ADAMTS6: variants seen among roughly 807,000 people sequenced by gnomAD.
ADAMTS6 encodes A disintegrin and metalloproteinase with thrombospondin motifs 6.
Under a neutral mutation model 144.3 loss-of-function variants are expected in ADAMTS6, and 23 were observed. The observed-to-expected ratio is 0.16, with a 90% CI of 0.11 to 0.23. The LOEUF (loss-of-function observed/expected upper bound fraction) is 0.23. Among genes scored for constraint, ADAMTS6 ranks in the 10% least tolerant of loss-of-function variants. ADAMTS6 has a pLI of 1.00. For synonymous variants in ADAMTS6, 444 were observed against 457.5 expected (o/e 0.97, Z 0.38); for missense variants, 999 against 1,379.6 (o/e 0.72, Z 4.37).
At chr5:65,438,758 TC>T (rs1757645029) in intron 7 of ADAMTS6, among the ~76,000 whole-genome samples, 1 of 152,158 alleles carries the variant, frequency 6.6e-6, no homozygotes, top group African/African-American at 2.4e-5. Flanking sequence ...ATTAGCTACT[TC>T]CCTTCATTTA....
intron 9 of ADAMTS6, among the ~76,000 whole-genome samples, chr5:65,304,267 A>T (rs1454191077): frequency 6.6e-6 from 1 of 152,248 alleles, no homozygotes; most frequent in Non-Finnish European, 1.5e-5. Context: ...TACAATGTTA[A>T]GTTTACAACT....
Position 65,212,005 on chromosome 5 carries a change from GT to G in ADAMTS6, c.2575+2788del, listed in dbSNP as rs569527189. 4.9e-4 allele frequency among the ~76,000 whole-genome samples: 74 copies of G among 152,268 alleles called. No homozygotes were observed. The South Asian group carries it at 8.7e-3, about 18-fold the overall frequency. ...CCACGTGTCTAGAGTGCTGGGTTTG[GT>G]TTCTCTGTCAGCCAAGACCAGTGGT... On this transcript the variant is annotated intron_variant, in intron 20 of 24. Coordinates refer to ENST00000381055, the MANE Select transcript of ADAMTS6 (RefSeq NM_197941.4).
At chr5:65,185,046 A>C (rs1381752586) in intron 22 of ADAMTS6, among the ~76,000 whole-genome samples, 1 of 152,156 alleles carries the variant, frequency 6.6e-6, no homozygotes, top group Non-Finnish European at 1.5e-5. Context: ...TGTGTCAAAA[A>C]AATTGTGTGA....
At chr5:65,162,230 G>T (rs533979508) in intron 24 of ADAMTS6, among the ~76,000 whole-genome samples, 3 of 152,194 alleles carry the variant, frequency 2.0e-5, no homozygotes, top group Admixed American at 6.5e-5. Flanking sequence ...GAAGATTTTG[G>T]AGAAATTATT....
At chr5:65,200,818 T>C (rs1198331354) in intron 20 of ADAMTS6, among the ~76,000 whole-genome samples, 1 of 152,222 alleles carries the variant, frequency 6.6e-6, no homozygotes, top group Non-Finnish European at 1.5e-5. Flanking sequence ...AATATATATT[T>C]ACTTTAAACC....
intron 7 of ADAMTS6, among the ~76,000 whole-genome samples, chr5:65,450,076 T>C (rs1758617132): frequency 6.6e-6 from 1 of 152,214 alleles, no homozygotes; most frequent in Non-Finnish European, 1.5e-5. Context: ...TCAATGTCCA[T>C]ATTTTTTAAC....
At chr5:65,199,293 G>C (rs1755586443) in intron 20 of ADAMTS6, among the ~76,000 whole-genome samples, 1 of 152,024 alleles carries the variant, frequency 6.6e-6, no homozygotes, top group South Asian at 2.1e-4. Flanking sequence ...CAGTTTCCTT[G>C]ACTTGTAGAA....
intron 7 of ADAMTS6, among the ~76,000 whole-genome samples, chr5:65,371,515 G>T (rs1418485329): frequency 6.6e-6 from 1 of 152,104 alleles, no homozygotes; most frequent in African/African-American, 2.4e-5. Context: ...GGAAGAAAGG[G>T]TATCAGCGAT....
chr5:65,206,276 C>T lies in ADAMTS6; in HGVS notation c.2575+8518G>A, dbSNP rs138643796. 3.2e-3 allele frequency among the ~76,000 whole-genome samples: 491 copies of T among 152,276 alleles called. 3 individuals carry two copies. The highest frequency in any genetic ancestry group is 0.01 in the Middle Eastern group (3 of 294). ...GATTTGTATGCTGTAAGATCAATAT[C>T]GCTATGTTTCCCCTGAAAATGTACA... On this transcript the variant is annotated intron_variant, in intron 20 of 24. Transcript: ENST00000381055.
At chr5:65,452,972 A>G in intron 4 of ADAMTS6, 54 bp from the exon 5 acceptor site, 2 of 1,372,270 alleles carry the variant, frequency 1.5e-6, no homozygotes. Flanking sequence ...ATATTTATTT[A>G]TAGATCTTTC....
Position 65,178,809 on chromosome 5 carries a change from C to G in ADAMTS6, c.2911-5801G>C, listed in dbSNP as rs142095880. Among the ~76,000 whole-genome samples the G allele has an allele frequency of 2.6e-4, 39 of 152,286 alleles. No individual in the cohort carries two copies. The East Asian group carries it at 7.1e-3, about 28-fold the overall frequency. On this transcript the variant is annotated intron_variant, in intron 22 of 24. Transcript: ENST00000381055. Reference sequence around the variant, plus strand: ...AACAAATGCCAGATTAACCAAGTACCAAAGCTTGCTATATGAAAATCCCCG... The same window carrying G: ...AACAAATGCCAGATTAACCAAGTACGAAAGCTTGCTATATGAAAATCCCCG...
At chr5:65,296,888 C>T (rs962538663) in intron 10 of ADAMTS6, among the ~76,000 whole-genome samples, 5 of 152,062 alleles carry the variant, frequency 3.3e-5, no homozygotes, top group Admixed American at 3.3e-4. Flanking sequence ...TTCACAGAGC[C>T]CCCATAATTT....
At chr5:65,327,925 T>C (rs1394966201) in intron 9 of ADAMTS6, among the ~76,000 whole-genome samples, 1 of 152,180 alleles carries the variant, frequency 6.6e-6, no homozygotes, top group African/African-American at 2.4e-5. Flanking sequence ...TAACAGAACC[T>C]AATAAATTCA....
At chr5:65,206,565 T>C (rs1162055704) in intron 20 of ADAMTS6, among the ~76,000 whole-genome samples, 2 of 151,932 alleles carry the variant, frequency 1.3e-5, no homozygotes, top group African/African-American at 4.8e-5. Flanking sequence ...CCGGGCATGG[T>C]GGCATGCGCC....
intron 2 of ADAMTS6, among the ~76,000 whole-genome samples, chr5:65,472,155 T>G (rs761203163): frequency 6.6e-6 from 1 of 152,194 alleles, no homozygotes; most frequent in Non-Finnish European, 1.5e-5. Flanking sequence ...TTATCTAACA[T>G]TTAAAACATT....
At chr5:65,207,297 G>A (rs914229573) in intron 20 of ADAMTS6, among the ~76,000 whole-genome samples, 2 of 152,062 alleles carry the variant, frequency 1.3e-5, no homozygotes, top group African/African-American at 2.4e-5. Context: ...ATTGGAGAAA[G>A]TTATCAGGAG....
intron 7 of ADAMTS6, among the ~76,000 whole-genome samples, chr5:65,406,513 G>A (rs1163607946): frequency 1.3e-5 from 2 of 152,114 alleles, no homozygotes; most frequent in Non-Finnish European, 1.5e-5. Flanking sequence ...GATCATGGTG[G>A]ATAAGCTTTT....
chr5:65,151,763 C>G lies in ADAMTS6; in HGVS notation c.*73G>C. ...ATTTGCAAGGACATCAATCCTCTTC[C>G]TCTGGGTGGCTCTCTTTGATGGATG... is the stretch of plus-strand genomic sequence containing the variant. On this transcript the variant is annotated 3_prime_UTR_variant, in exon 25 of 25. Transcript: ENST00000381055. 1 of 1,337,228 alleles carries G rather than the reference C, an allele frequency of 7.5e-7. No homozygotes were observed. The highest frequency in any genetic ancestry group is 1.2e-5 in the South Asian group (1 of 81,036). 82.8% of individuals were successfully genotyped at this position (1,337,228 alleles called of 1,614,324 possible).
At chr5:65,410,100 C>T (rs563195102) in intron 7 of ADAMTS6, among the ~76,000 whole-genome samples, 17 of 152,162 alleles carry the variant, frequency 1.1e-4, no homozygotes, top group African/African-American at 3.6e-4. Context: ...GAAAAGAAGA[C>T]GGGCAATACT....
Sources: gnomAD v4.1 joint callset for allele counts (sites outside exome capture counted in the v4.1 genomes callset) on GRCh38, gnomAD v4.1.1 for gene constraint, MANE v1.5 for transcripts, NCBI Gene and HGNC (gene_info 2026-07-23, HGNC 2026-07-21) for gene names.